The following FHIT variants were observed in gnomAD, a reference collection of about 807,000 sequenced individuals.
FHIT encodes the protein fragile histidine triad diadenosine triphosphatase, also known as bis(5'-adenosyl)-triphosphatase.
In FHIT, 19 loss-of-function variants were observed where a neutral mutation model predicts 17.9. The ratio of observed to expected loss-of-function variants is 1.06; its 90% CI spans 0.74 to 1.56. FHIT has a LOEUF of 1.56. Among genes scored for constraint, FHIT ranks in the 40% most tolerant of loss-of-function variants. The pLI, the probability that FHIT is intolerant of heterozygous loss-of-function variation, is 0.00. For synonymous variants in FHIT, 81 were observed against 69.7 expected (o/e 1.16, Z -0.81); for missense variants, 248 against 189.2 (o/e 1.31, Z -1.82).
intron 5 of FHIT, among the ~76,000 whole-genome samples, chr3:60,063,046 G>C (rs1186368991): frequency 6.6e-6 from 1 of 152,096 alleles, no homozygotes; most frequent in Non-Finnish European, 1.5e-5. Context: ...ATAATGCCTG[G>C]GGAGAAGACT....
intron 5 of FHIT, among the ~76,000 whole-genome samples, chr3:60,360,395 G>A (rs1699856381): frequency 6.6e-6 from 1 of 152,120 alleles, no homozygotes; most frequent in Non-Finnish European, 1.5e-5. Flanking sequence ...AGAAGGCACT[G>A]GGGCCAATAA....
chr3:60,626,106 A>C (rs934970117), intron 4 of FHIT, among the ~76,000 whole-genome samples: 1 of 152,146 alleles, frequency 6.6e-6, no homozygotes, highest in Non-Finnish European at 1.5e-5. Flanking sequence ...TTATGTCAGC[A>C]CTACACTCTC....
chr3:60,404,573 C>T (rs1701781417), intron 5 of FHIT, among the ~76,000 whole-genome samples: 1 of 152,156 alleles, frequency 6.6e-6, no homozygotes, highest in African/African-American at 2.4e-5. Context: ...CTTTGATCCT[C>T]TCTCCACCAT....
chr3:61,139,724 G>A (rs987774499), intron 2 of FHIT, among the ~76,000 whole-genome samples: 5 of 152,042 alleles, frequency 3.3e-5, no homozygotes, highest in Admixed American at 2.0e-4. Context: ...TTTTCAAATG[G>A]TGAATCTTGG....
intron 1 of FHIT, among the ~76,000 whole-genome samples, chr3:61,221,854 T>C (rs1020188556): frequency 1.3e-5 from 2 of 152,044 alleles, no homozygotes; most frequent in Non-Finnish European, 2.9e-5. Context: ...TTAAGAAGAG[T>C]GGGGTCCAAC....
At chr3:60,195,607 G>A (rs368129436) in intron 5 of FHIT, among the ~76,000 whole-genome samples, 3 of 117,386 alleles carry the variant, frequency 2.6e-5, no homozygotes, top group South Asian at 3.0e-4. Flanking sequence ...TTATATATAT[G>A]TATATATAAT....
At chr3:60,563,058 G>A (rs1282963169) in intron 4 of FHIT, among the ~76,000 whole-genome samples, 3 of 152,178 alleles carry the variant, frequency 2.0e-5, no homozygotes, top group Non-Finnish European at 4.4e-5. Context: ...AGGCAAGGGA[G>A]AAGTAATATG....
intron 2 of FHIT, among the ~76,000 whole-genome samples, chr3:61,111,256 A>G (rs1285615631): frequency 3.3e-5 from 5 of 152,212 alleles, no homozygotes; most frequent in Non-Finnish European, 7.3e-5. Flanking sequence ...TTTATTCCAA[A>G]TGATACATTC....
chr3:60,199,304 G>A (rs1236235271), intron 5 of FHIT, among the ~76,000 whole-genome samples: 1 of 152,078 alleles, frequency 6.6e-6, no homozygotes, highest in African/African-American at 2.4e-5. Flanking sequence ...TATATGTGAT[G>A]CTCTCTGACA....
In FHIT at chr3:60,993,133, T is replaced by G. The variant is rs9849983; in HGVS notation, c.-111+48914A>C. ...AGAAATACATGCTCACTAGAATGGTTCAGAGTTTTTCTGCATCTATCTCAG... is the reference window on the plus strand; with the variant it reads ...AGAAATACATGCTCACTAGAATGGTGCAGAGTTTTTCTGCATCTATCTCAG... On this transcript the variant is annotated intron_variant, in intron 3 of 9. Coordinates refer to ENST00000492590, the MANE Select transcript of FHIT (RefSeq NM_002012.4). Among the ~76,000 whole-genome samples, 455 of 152,354 alleles carry G rather than the reference T, an allele frequency of 3.0e-3. 3 individuals are homozygous for G. The highest frequency in any genetic ancestry group is 0.024 in the Middle Eastern group (7 of 294).
At chr3:61,071,208 A>G (rs1041918754) in intron 2 of FHIT, among the ~76,000 whole-genome samples, 10 of 152,178 alleles carry the variant, frequency 6.6e-5, no homozygotes, top group African/African-American at 1.9e-4. Flanking sequence ...CATAACTTCC[A>G]TATCTACTCC....
chr3:60,506,595 G>A (rs1339238559), intron 5 of FHIT, among the ~76,000 whole-genome samples: 1 of 152,198 alleles, frequency 6.6e-6, no homozygotes, highest in Non-Finnish European at 1.5e-5. Context: ...GTCATGTGAT[G>A]TGCTTTGGCC....
At chr3:60,332,167 T>C (rs770223943) in intron 5 of FHIT, among the ~76,000 whole-genome samples, 8 of 152,234 alleles carry the variant, frequency 5.3e-5, no homozygotes, top group Non-Finnish European at 1.0e-4. Context: ...AGAAGCAATG[T>C]CCTACTATTA....
At chr3:60,484,124 T>C (rs571934535) in intron 5 of FHIT, among the ~76,000 whole-genome samples, 1 of 152,178 alleles carries the variant, frequency 6.6e-6, no homozygotes, top group East Asian at 1.9e-4. Context: ...TAACAGGGGA[T>C]GTGAAGGACC....
At chr3:60,936,333 A>G (rs1179046796) in intron 3 of FHIT, among the ~76,000 whole-genome samples, 2 of 152,238 alleles carry the variant, frequency 1.3e-5, no homozygotes, top group East Asian at 3.8e-4. Flanking sequence ...TTAGCCAGAA[A>G]AAAAGTAGTT....
intron 5 of FHIT, among the ~76,000 whole-genome samples, chr3:60,218,463 T>G (rs965405801): frequency 6.6e-6 from 1 of 152,166 alleles, no homozygotes; most frequent in East Asian, 1.9e-4. Flanking sequence ...ATGACAAACA[T>G]AGTTTACAGC....
chr3:60,590,736 C>T (rs1009814009), intron 4 of FHIT, among the ~76,000 whole-genome samples: 7 of 152,132 alleles, frequency 4.6e-5, no homozygotes, highest in Admixed American at 2.0e-4. Context: ...TCCACACTCA[C>T]ATGTTGCACC....
At chr3:60,188,649 T>G (rs187052706) in intron 5 of FHIT, among the ~76,000 whole-genome samples, 38 of 152,298 alleles carry the variant, frequency 2.5e-4, no homozygotes, top group Non-Finnish European at 1.3e-4. Context: ...TTAATTCAGC[T>G]TTTCCAAACT....
intron 5 of FHIT, among the ~76,000 whole-genome samples, chr3:60,466,800 T>C (rs1248683048): frequency 6.6e-6 from 1 of 150,608 alleles, no homozygotes; most frequent in African/African-American, 2.5e-5. Context: ...TGCATCTATA[T>C]TCATCAGGGT....
Sources: gnomAD v4.1 joint callset for allele counts (sites outside exome capture counted in the v4.1 genomes callset) on GRCh38, gnomAD v4.1.1 for gene constraint, MANE v1.5 for transcripts, NCBI Gene and HGNC (gene_info 2026-07-23, HGNC 2026-07-21) for gene names.